CADM2: variants seen among roughly 807,000 people sequenced by gnomAD.
CADM2 encodes immunoglobulin superfamily member 4D.
CADM2 carries 12 observed loss-of-function variants against 49.8 expected under a neutral mutation model. The ratio of observed to expected loss-of-function variants is 0.24; its 90% CI spans 0.15 to 0.39. CADM2 has a LOEUF of 0.39. Ranked by LOEUF, CADM2 falls within the 10% of genes least tolerant of loss-of-function variation. CADM2 has a pLI of 1.00. For synonymous variants in CADM2, 214 were observed against 175.4 expected (o/e 1.22, Z -1.74); for missense variants, 378 against 492.3 (o/e 0.77, Z 2.20).
intron 1 of CADM2, among the ~76,000 whole-genome samples, chr3:85,677,734 G>T (rs1354414895): frequency 6.6e-6 from 1 of 152,150 alleles, no homozygotes; most frequent in Non-Finnish European, 1.5e-5. Context: ...TTAAAGAGTT[G>T]ATGCTTGCAT....
chr3:85,774,821 C>T (rs1253449342), intron 2 of CADM2, among the ~76,000 whole-genome samples: 1 of 151,582 alleles, frequency 6.6e-6, no homozygotes, highest in Non-Finnish European at 1.5e-5. Flanking sequence ...TATGAAAACA[C>T]TCGGAAAGTA....
intron 8 of CADM2, among the ~76,000 whole-genome samples, chr3:86,062,941 T>C (rs1738862079): frequency 6.6e-6 from 1 of 152,130 alleles, no homozygotes; most frequent in Non-Finnish European, 1.5e-5. Flanking sequence ...GGCTGAGCCT[T>C]CATTTAGTTG....
intron 1 of CADM2, among the ~76,000 whole-genome samples, chr3:85,537,290 G>A (rs2061441642): frequency 6.6e-6 from 1 of 151,886 alleles, no homozygotes; most frequent in Non-Finnish European, 1.5e-5. Flanking sequence ...AAATATTCAG[G>A]CTATGTAGAA....
At chr3:85,723,214 A>T (rs550593325) in intron 1 of CADM2, among the ~76,000 whole-genome samples, 3 of 152,196 alleles carry the variant, frequency 2.0e-5, no homozygotes, top group African/African-American at 7.2e-5. Flanking sequence ...TAGTATGAAT[A>T]ATTGTGTTAT....
intron 1 of CADM2, among the ~76,000 whole-genome samples, chr3:85,702,705 T>C (rs909573959): frequency 6.6e-6 from 1 of 152,210 alleles, no homozygotes; most frequent in African/African-American, 2.4e-5. Context: ...AAAATCAGTT[T>C]ATTTCTTGAA....
chr3:85,399,701 A>T (rs1417369534), intron 1 of CADM2, among the ~76,000 whole-genome samples: 1 of 152,134 alleles, frequency 6.6e-6, no homozygotes, highest in African/African-American at 2.4e-5. Context: ...CATCTCTTGT[A>T]AGTTGGATTC....
chr3:85,357,659 T>C (rs2031986559), intron 1 of CADM2, among the ~76,000 whole-genome samples: 1 of 88,592 alleles, frequency 1.1e-5, no homozygotes, highest in South Asian at 5.0e-4. Context: ...TCCATTCATC[T>C]TTATCATACT....
At chr3:85,420,900 T>G (rs2036139586) in intron 1 of CADM2, among the ~76,000 whole-genome samples, 1 of 152,268 alleles carries the variant, frequency 6.6e-6, no homozygotes, top group Non-Finnish European at 1.5e-5. Context: ...AGGTAAAAAT[T>G]GAGTGGGAGT....
chr3:85,135,025 AT>A, intron 1 of CADM2, among the ~76,000 whole-genome samples: 1 of 152,022 alleles, frequency 6.6e-6, no homozygotes, highest in Non-Finnish European at 1.5e-5. Context: ...AATTTGTGTA[AT>A]TTTTAACAAA....
intron 1 of CADM2, among the ~76,000 whole-genome samples, chr3:85,622,887 T>C (rs556001971): frequency 1.1e-4 from 16 of 152,282 alleles, no homozygotes; most frequent in Admixed American, 3.9e-4. Context: ...TGTTTTGTTT[T>C]CTGTACTCAA....
At chr3:85,857,568 C>G (rs549588963) in intron 3 of CADM2, among the ~76,000 whole-genome samples, 1 of 152,198 alleles carries the variant, frequency 6.6e-6, no homozygotes, top group East Asian at 1.9e-4. Flanking sequence ...TCCTGGAACA[C>G]CTGGGCTCAA....
Position 86,066,649 on chromosome 3 carries a change from C to A in CADM2, c.1097-16C>A, listed in dbSNP as rs767279339. Reference sequence around the variant, plus strand: ...AGTCTCACAGAGCTAACATATTTTTCTTCCAATATATGCAGGAACGTATTT... The same window carrying A: ...AGTCTCACAGAGCTAACATATTTTTATTCCAATATATGCAGGAACGTATTT... On this transcript the variant is annotated splice_polypyrimidine_tract_variant and intron_variant, in intron 9 of 9. Transcript: ENST00000383699. 35 of 1,542,500 alleles carry A rather than the reference C, an allele frequency of 2.3e-5. No homozygotes were observed. The highest frequency in any genetic ancestry group is 3.1e-5 in the Non-Finnish European group (35 of 1,115,832).
chr3:85,288,244 T>A (rs1017003239), intron 1 of CADM2, among the ~76,000 whole-genome samples: 2 of 152,100 alleles, frequency 1.3e-5, no homozygotes, highest in Non-Finnish European at 2.9e-5. Flanking sequence ...GAGAAATAGT[T>A]CATGGAGATC....
At chr3:85,640,454 C>A (rs1216634082) in intron 1 of CADM2, among the ~76,000 whole-genome samples, 1 of 152,128 alleles carries the variant, frequency 6.6e-6, no homozygotes, top group Non-Finnish European at 1.5e-5. Context: ...GAAGAGACAA[C>A]ACCTAGTTGA....
chr3:85,994,271 C>A (rs1196647543), intron 8 of CADM2: 1 of 152,176 alleles, frequency 6.6e-6, no homozygotes, highest in Non-Finnish European at 1.5e-5. Flanking sequence ...CCTTATGAAC[C>A]AACCTCCACT....
chr3:85,010,940 T>A (rs1421092678), intron 1 of CADM2, among the ~76,000 whole-genome samples: 1 of 131,750 alleles, frequency 7.6e-6, no homozygotes, highest in Non-Finnish European at 1.6e-5. Context: ...CTCAGCTCAC[T>A]GCAAGCTCCA....
intron 1 of CADM2, among the ~76,000 whole-genome samples, chr3:85,273,539 A>G (rs1475043780): frequency 6.6e-6 from 1 of 151,288 alleles, no homozygotes; most frequent in African/African-American, 2.4e-5. Context: ...GGATTTGCCA[A>G]TTTATTGAAT....
intron 1 of CADM2, among the ~76,000 whole-genome samples, chr3:85,395,664 A>G (rs1393107512): frequency 6.6e-6 from 1 of 152,106 alleles, no homozygotes; most frequent in Non-Finnish European, 1.5e-5. Flanking sequence ...TTATGAGATC[A>G]GCATTTCATA....
At chr3:85,467,533 A>G (rs1242167433) in intron 1 of CADM2, among the ~76,000 whole-genome samples, 1 of 152,144 alleles carries the variant, frequency 6.6e-6, no homozygotes, top group Non-Finnish European at 1.5e-5. Flanking sequence ...ATGTATTAAT[A>G]TCCTTGAGAA....
Sources: gnomAD v4.1 joint callset for allele counts (sites outside exome capture counted in the v4.1 genomes callset) on GRCh38, gnomAD v4.1.1 for gene constraint, MANE v1.5 for transcripts, NCBI Gene and HGNC (gene_info 2026-07-23, HGNC 2026-07-21) for gene names.